Variants in HYI observed in about 807,000 individuals in gnomAD.
The protein encoded by HYI is putative hydroxypyruvate isomerase.
Under a neutral mutation model 39.7 loss-of-function variants are expected in HYI, and 47 were observed. The observed-to-expected ratio is 1.18, with a 90% confidence interval of 0.94 to 1.51. HYI has a LOEUF of 1.51. Among genes scored for constraint, HYI ranks in the 40% most tolerant of loss-of-function variants. The probability of loss-of-function intolerance (pLI) is 0.00; values close to 1 mark genes in which losing one functional copy is unlikely to be tolerated. For missense variants in HYI, 465 were observed against 370.3 expected (o/e 1.26, Z -2.10); for synonymous variants, 186 against 158.8 (o/e 1.17, Z -1.29).
intron 2 of HYI, chr1:43,452,984 C>T (rs369800075): frequency 6.2e-7 from 1 of 1,602,278 alleles, no homozygotes; most frequent in South Asian, 1.1e-5. Flanking sequence ...CAACTTCCTG[C>T]CCATCAAGCA....
At position 43,453,628 on chromosome 1, in the gene HYI, C is replaced by A; in HGVS notation, c.166G>T (p.Gly56Trp). 1 of 1,495,878 alleles carries A rather than the reference C, an allele frequency of 6.7e-7. No homozygotes were observed. The highest frequency in any genetic ancestry group is 8.9e-7 in the Non-Finnish European group (1 of 1,128,606). The allele number at this position is 1,495,878 out of a possible 1,614,324, so 92.7% of individuals were successfully genotyped here. A position where few individuals can be genotyped will look rare whatever the true frequency, so the allele number is the denominator to read the frequency against. The change falls in exon 1 of 8, where the codon GGG becomes TGG. Residue 56 changes from glycine (G) to tryptophan (W), a missense_variant. Transcript: ENST00000372430. ...GTGTTGATCAGTACAAGCCGCAGCC[C>A]CGCTTCTCGCGCGGCGCGCGCCAGC... ...EALARAAREA[G>W]LRLVLINTPP...
In HYI at chr1:43,452,281, TC is replaced by T; in HGVS notation, c.349del (p.Asp117IlefsTer3). On this transcript the variant is annotated frameshift_variant, in exon 3 of 8. Coordinates refer to ENST00000372430, the MANE Select transcript of HYI (RefSeq NM_001190880.3). LOFTEE classifies it high-confidence loss of function. ...CATCTCAGCCTTGACTGCTATTCGATCAGCTCCCTGGGGTACTCGGCCAGCC... is the reference window on the plus strand; with the variant it reads ...CATCTCAGCCTTGACTGCTATTCGATAGCTCCCTGGGGTACTCGGCCAGCC... The part of the protein sequence containing the change: ...LMAGRVPQGA[D>X]RIAVKAEMEA... The T allele has an allele frequency of 6.2e-7, 1 of 1,614,106 alleles. No individual in the cohort carries two copies. Among genetic ancestry groups the T allele is most frequent in the Non-Finnish European group, 8.5e-7 (1 of 1,179,992 alleles).
chr1:43,453,744 A>AT lies in HYI; in HGVS notation c.49_50insA (p.Leu17HisfsTer30). Reference sequence around the variant, plus strand: ...CCGCACCCGCGCGGGGAGGCCGGAGAGCTCGGGGAATAGCCAGGACAGATT... The same window carrying AT: ...CCGCACCCGCGCGGGGAGGCCGGAGATGCTCGGGGAATAGCCAGGACAGATT... On this transcript the variant is annotated frameshift_variant, in exon 1 of 8. Coordinates refer to ENST00000372430, the MANE Select transcript of HYI (RefSeq NM_001190880.3). LOFTEE classifies it high-confidence loss of function. 7.2e-7 allele frequency: 1 copy of AT among 1,381,018 alleles called. No individual in the cohort carries two copies. Among genetic ancestry groups the AT allele is most frequent in the East Asian group, 3.0e-5 (1 of 33,320 alleles). The allele number at this position is 1,381,018 out of a possible 1,614,324, so 85.5% of individuals were successfully genotyped here.
intron 1 of HYI, 48 bp from the exon 2 acceptor site, chr1:43,453,545 C>G (rs945890860): frequency 1.3e-6 from 2 of 1,521,792 alleles, no homozygotes; most frequent in South Asian, 2.5e-5. Context: ...CTCCCCTGCC[C>G]GCGCCCCGGC....
At chr1:43,452,139 T>C in intron 3 of HYI, 66 bp downstream of exon 3, 1 of 1,507,972 alleles carries the variant, frequency 6.6e-7, no homozygotes, top group Non-Finnish European at 9.2e-7. Flanking sequence ...CTGTCCCCAC[T>C]GTGCACCCCC....
At chr1:43,453,091 C>T (rs1656617123) in intron 2 of HYI, 5 of 806,984 alleles carry the variant, frequency 6.2e-6, no homozygotes, top group Non-Finnish European at 8.5e-6. Context: ...CCACAGCTTC[C>T]TGGAATAGGC....
At chr1:43,450,881 G>A, downstream of HYI, 1 of 730,618 alleles carries the variant, frequency 1.4e-6, no homozygotes, top group South Asian at 1.4e-5. This position sits in a 1 kb window ranked among gnomAD's most constrained non-coding sequence, Gnocchi z 4.3. Context: ...GAGCCTTCGG[G>A]TCTTCACTTC....
At chr1:43,453,359 G>T in intron 2 of HYI, 27 bp downstream of exon 2, 1 of 1,451,794 alleles carries the variant, frequency 6.9e-7, no homozygotes, top group East Asian at 2.5e-5. Flanking sequence ...TGGGTCACAG[G>T]GGTGGGGGTG....
chr1:43,453,549 C>G, intron 1 of HYI, 46 bp downstream of exon 1: 6 of 1,519,974 alleles, frequency 3.9e-6, no homozygotes, highest in Non-Finnish European at 5.3e-6. Context: ...CCTGCCCGCG[C>G]CCCGGCACCC....
intron 2 of HYI, chr1:43,452,809 T>C: frequency 7.4e-7 from 1 of 1,345,770 alleles, no homozygotes; most frequent in Non-Finnish European, 1.0e-6. Context: ...AGCCCCACTT[T>C]GAGCCGTCCA....
rs1212578801 is a variant in HYI at position 43,453,434 on chromosome 1, T to C, written c.263A>G (p.Glu88Gly). The C allele has an allele frequency of 2.6e-6, 4 of 1,562,708 alleles. No homozygotes were observed. In the Admixed American group the frequency reaches 5.5e-5, roughly 21 times the overall value. Residue 88 changes from glutamate to glycine, a missense_variant, in exon 2 of 8, where the codon GAG (glutamate) becomes GGG (glycine). Coordinates refer to ENST00000372430, the MANE Select transcript of HYI (RefSeq NM_001190880.3). ...ATACCGCACGGCCTGCTCCAGTCCC[T>C]CTCGGAAGGCCGCCTGTCTCCCGGG... The part of the protein sequence containing the change: ...AVPGRQAAFR[E>G]GLEQAVRYAK...
At chr1:43,450,639 C>T (rs1570755338), downstream of HYI, 4 of 1,151,296 alleles carry the variant, frequency 3.5e-6, no homozygotes, top group East Asian at 9.8e-5. The surrounding 1 kb of genome is among the most constrained non-coding windows in gnomAD (Gnocchi z 4.3). Flanking sequence ...GGTCTGCTGC[C>T]CCAGCCTGGC....
chr1:43,450,644 C>A, downstream of HYI: 1 of 1,117,842 alleles, frequency 8.9e-7, no homozygotes, highest in Non-Finnish European at 1.3e-6. This position sits in a 1 kb window ranked among gnomAD's most constrained non-coding sequence, Gnocchi z 4.3. Flanking sequence ...GCTGCCCCAG[C>A]CTGGCAGCAG....
chr1:43,451,488 G>T lies in HYI; in HGVS notation c.682C>A (p.Leu228Met), dbSNP rs1369650991. 1.2e-6 allele frequency: 2 copies of T among 1,614,000 alleles called. No individual in the cohort carries two copies. The highest frequency in any genetic ancestry group is 1.7e-6 in the Non-Finnish European group (2 of 1,180,044). Residue 228 changes from leucine to methionine, a missense_variant, in exon 7 of 8, where the codon CTG (leucine) becomes ATG (methionine). Physicochemically the swap from Leu to Met is conservative, Grantham distance 15 (BLOSUM62 2). Transcript: ENST00000372430. Reference sequence around the variant, plus strand: ...AGTTGAAACAGATAGGGGAAATTCAGCTCTCCGGGGCTGCTGGGCTCCCCT... The same window carrying T: ...AGTTGAAACAGATAGGGGAAATTCATCTCTCCGGGGCTGCTGGGCTCCCCT... The part of the protein sequence containing the change: ...GRGEPSSPGE[L>M]NFPYLFQLLE...
rs1259321047 is a variant in HYI at position 43,453,683 on chromosome 1, C to T, written c.111G>A (p.Val37=). Residue 37 remains valine (V), a synonymous_variant, in exon 1 of 8, where the codon GTG becomes GTA. Transcript: ENST00000372430. ...AGSSGFEAVE[V]AWPYAETPEA... is the part of the protein sequence containing the mutation. ...CAGGCGTCTCCGCGTACGGCCAGGC[C>T]ACCTCGACGGCCTCGAAGCCCGAGC... is the stretch of plus-strand genomic sequence containing the variant. 11 of 1,460,810 alleles carry T rather than the reference C, an allele frequency of 7.5e-6. No individual in the cohort carries two copies. Among genetic ancestry groups the T allele is most frequent in the Non-Finnish European group, 9.9e-6 (11 of 1,116,050 alleles). The allele number at this position is 1,460,810 out of a possible 1,614,324, so 90.5% of individuals were successfully genotyped here. A position where few individuals can be genotyped will look rare whatever the true frequency, so the allele number is the denominator to read the frequency against.
chr1:43,451,885 G>C, intron 4 of HYI, 38 bp from the exon 5 acceptor site: 1 of 1,614,012 alleles, frequency 6.2e-7, no homozygotes, highest in Non-Finnish European at 8.5e-7. Context: ...TGAGCCTCAA[G>C]AGCACAGGAA....
rs767708065 is a variant in HYI, at chr1:43,452,027, G to A, written c.427-14C>T. 14 of 1,597,810 alleles carry A rather than the reference G, an allele frequency of 8.8e-6. No individual in the cohort carries two copies. Among genetic ancestry groups the A allele is most frequent in the East Asian group, 4.5e-5 (2 of 44,690 alleles). Reference sequence around the variant, plus strand: ...CACGAGGTCCTCCTAGCAGCATGTCGGGTGCTGTGAATAGAGCTCCTTCCC... The same window carrying A: ...CACGAGGTCCTCCTAGCAGCATGTCAGGTGCTGTGAATAGAGCTCCTTCCC... On this transcript the variant is annotated splice_polypyrimidine_tract_variant and intron_variant, in intron 3 of 7. Transcript: ENST00000372430.
downstream of HYI, chr1:43,450,815 C>T (rs1349378438): frequency 1.3e-5 from 9 of 708,572 alleles, no homozygotes; most frequent in Admixed American, 8.7e-5. This position sits in a 1 kb window ranked among gnomAD's most constrained non-coding sequence, Gnocchi z 4.3. Flanking sequence ...CCTAGAGCTC[C>T]TCTGCCTGAA....
At position 43,453,686 on chromosome 1, in the gene HYI, C is replaced by G; in HGVS notation, c.108G>C (p.Glu36Asp). ...AAGSSGFEAVEVAWPYAETPE... is the reference protein window; with the variant it reads ...AAGSSGFEAVDVAWPYAETPE... ...GCGTCTCCGCGTACGGCCAGGCCAC[C>G]TCGACGGCCTCGAAGCCCGAGCTGC... Residue 36 changes from glutamate (E) to aspartate (D), a missense_variant, in exon 1 of 8, where the codon GAG (glutamate) becomes GAC (aspartate). Coordinates refer to ENST00000372430, the MANE Select transcript of HYI (RefSeq NM_001190880.3). The G allele has an allele frequency of 1.4e-6, 2 of 1,453,928 alleles. No homozygotes were observed. Among genetic ancestry groups the G allele is most frequent in the Non-Finnish European group, 1.8e-6 (2 of 1,112,878 alleles). 90.1% of individuals were successfully genotyped at this position (1,453,928 alleles called of 1,614,324 possible).
Sources: gnomAD v4.1 joint callset for allele counts on GRCh38, gnomAD v4.1.1 for gene constraint, Gnocchi (gnomAD v3.1) non-coding constraint, MANE v1.5 for transcripts, NCBI Gene and HGNC (gene_info 2026-07-23, HGNC 2026-07-21) for gene names.